The following RNLS variants were observed in gnomAD, a reference collection of about 807,000 sequenced individuals.
The protein encoded by RNLS is renalase, FAD dependent amine oxidase, also known as renalase.
A neutral mutation model predicts 39.8 loss-of-function variants in RNLS; 39 were observed. The observed-to-expected ratio is 0.98, with a 90% CI of 0.76 to 1.28. RNLS has a LOEUF of 1.28. RNLS is among the 50% of genes most tolerant of loss of function. The probability of loss-of-function intolerance (pLI) is 0.00; values close to 1 mark genes in which losing one functional copy is unlikely to be tolerated. For synonymous variants in RNLS, 147 were observed against 150.7 expected (o/e 0.98, Z 0.18); for missense variants, 410 against 413.3 (o/e 0.99, Z 0.07).
intron 4 of RNLS, among the ~76,000 whole-genome samples, chr10:88,375,288 C>A (rs908508829): frequency 6.6e-6 from 1 of 152,026 alleles, no homozygotes. Flanking sequence ...ACAAGAAAAA[C>A]CACATTCTTT....
chr10:88,460,333 A>G (rs538775689), intron 4 of RNLS, among the ~76,000 whole-genome samples: 1 of 152,274 alleles, frequency 6.6e-6, no homozygotes, highest in East Asian at 1.9e-4. Flanking sequence ...CAAAGAGAAT[A>G]GCTCTTGTTA....
At chr10:88,524,974 TATATATATATATATATATATATATAC>T (rs1346907621) in intron 4 of RNLS, among the ~76,000 whole-genome samples, 11 of 129,100 alleles carry the variant, frequency 8.5e-5, no homozygotes, top group Admixed American at 3.9e-4. Context: ...TATATATATA[TATATATATATATATATATATATATAC>T]ACACACACAC....
At chr10:88,472,736 C>G (rs990375332) in intron 4 of RNLS, among the ~76,000 whole-genome samples, 1 of 152,050 alleles carries the variant, frequency 6.6e-6, no homozygotes, top group Non-Finnish European at 1.5e-5. Context: ...CTACAGGCAC[C>G]CCATCACCTG....
chr10:88,252,134 T>C, the RNLS span, among the ~76,000 whole-genome samples: 1 of 152,198 alleles, frequency 6.6e-6, no homozygotes, highest in Non-Finnish European at 1.5e-5. Context: ...CTGGACCTTT[T>C]TCCTTCCTTC....
At chr10:88,200,646 C>T in the RNLS span, among the ~76,000 whole-genome samples, 1 of 152,174 alleles carries the variant, frequency 6.6e-6, no homozygotes, top group Non-Finnish European at 1.5e-5. Flanking sequence ...GCATTTAATT[C>T]CTATTGAGCA....
intron 6 of RNLS, among the ~76,000 whole-genome samples, chr10:88,300,352 C>T (rs1844424562): frequency 6.6e-6 from 1 of 152,186 alleles, no homozygotes; most frequent in Non-Finnish European, 1.5e-5. Flanking sequence ...TCATGGTATA[C>T]AAAAGTGCTA....
chr10:88,561,241 C>A (rs1324704987), intron 4 of RNLS, among the ~76,000 whole-genome samples: 2 of 152,060 alleles, frequency 1.3e-5, no homozygotes, highest in African/African-American at 2.4e-5. Flanking sequence ...GAGGGCAGTT[C>A]TGGGAAAAAA....
intron 4 of RNLS, among the ~76,000 whole-genome samples, chr10:88,397,096 C>T (rs540422114): frequency 2.6e-5 from 4 of 151,944 alleles, no homozygotes; most frequent in African/African-American, 9.6e-5. Flanking sequence ...AGGACTTGAA[C>T]AACACTATAA....
intron 5 of RNLS, among the ~76,000 whole-genome samples, chr10:88,338,838 T>C (rs1373258137): frequency 6.2e-5 from 9 of 145,938 alleles, no homozygotes; most frequent in South Asian, 4.4e-4. Flanking sequence ...CTCGGCTCAC[T>C]GCAAGCTCCG....
At chr10:88,355,479 C>T (rs1051034739) in intron 5 of RNLS, among the ~76,000 whole-genome samples, 2 of 152,212 alleles carry the variant, frequency 1.3e-5, no homozygotes, top group African/African-American at 2.4e-5. Flanking sequence ...TGGAGATCCA[C>T]TCCAGACCGT....
At chr10:88,299,615 A>T (rs776748919) in intron 6 of RNLS, among the ~76,000 whole-genome samples, 1 of 152,076 alleles carries the variant, frequency 6.6e-6, no homozygotes, top group Non-Finnish European at 1.5e-5. Context: ...ATAGAGCAAG[A>T]CTCCATTTCA....
chr10:88,581,799 T>C, intron 2 of RNLS, 90 bp from the exon 3 acceptor site: 1 of 863,114 alleles, frequency 1.2e-6, no homozygotes, highest in Non-Finnish European at 1.6e-6. Context: ...TCTCAGAGGT[T>C]ATAATTCAAA....
chr10:88,229,084 A>C, the RNLS span, among the ~76,000 whole-genome samples: 1 of 152,170 alleles, frequency 6.6e-6, no homozygotes, highest in Non-Finnish European at 1.5e-5. Flanking sequence ...TTTCACTTAC[A>C]TTACACTTCC....
intron 3 of RNLS, among the ~76,000 whole-genome samples, chr10:88,576,055 G>A (rs74838516): frequency 0.025 from 3,865 of 152,248 alleles, 72 homozygotes; most frequent in Middle Eastern, 0.044. Flanking sequence ...AGGTACCCAT[G>A]AAAATATCAG....
At chr10:88,262,036 G>C in the RNLS span, among the ~76,000 whole-genome samples, 2 of 152,164 alleles carry the variant, frequency 1.3e-5, no homozygotes, top group African/African-American at 4.8e-5. Flanking sequence ...AAACCGGCTG[G>C]AGAAAACCTA....
At chr10:88,171,538 C>T in the RNLS span, among the ~76,000 whole-genome samples, 4 of 152,116 alleles carry the variant, frequency 2.6e-5, no homozygotes, top group African/African-American at 4.8e-5. Context: ...ATATCCAGAT[C>T]GTTGTTCTTT....
intron 6 of RNLS, among the ~76,000 whole-genome samples, chr10:88,294,469 C>T (rs1358772864): frequency 6.6e-6 from 1 of 151,854 alleles, no homozygotes; most frequent in East Asian, 1.9e-4. Context: ...AATTTATACA[C>T]AAAATATTTT....
At chr10:88,352,413 T>A (rs1212783475) in intron 5 of RNLS, among the ~76,000 whole-genome samples, 4 of 152,106 alleles carry the variant, frequency 2.6e-5, no homozygotes, top group African/African-American at 9.7e-5. Context: ...GCATGAAGGG[T>A]TGTTGAATTT....
chr10:88,579,136 T>A (rs1039748660), intron 3 of RNLS, among the ~76,000 whole-genome samples: 4 of 152,102 alleles, frequency 2.6e-5, no homozygotes, highest in African/African-American at 9.7e-5. Context: ...TTCAACAAAG[T>A]ATGGACAGCT....
Sources: allele counts gnomAD v4.1 joint callset (sites outside exome capture counted in the v4.1 genomes callset), GRCh38; gene constraint gnomAD v4.1.1; transcripts MANE v1.5; gene names NCBI Gene and HGNC (gene_info 2026-07-23, HGNC 2026-07-21).